PTH1R: variants seen among roughly 807,000 people sequenced by gnomAD.
PTH1R encodes parathyroid hormone/parathyroid hormone-related peptide receptor.
In PTH1R, 32 loss-of-function variants were observed where a neutral mutation model predicts 70.7. That is an observed-to-expected ratio of 0.45 (90% CI 0.34 to 0.61). PTH1R has a LOEUF of 0.61. Ranked by LOEUF, PTH1R falls within the 20% of genes least tolerant of loss-of-function variation. The probability of loss-of-function intolerance (pLI) is 0.01; values close to 1 mark genes in which losing one functional copy is unlikely to be tolerated. For synonymous variants in PTH1R, 329 were observed against 324.8 expected (o/e 1.01, Z -0.14); for missense variants, 626 against 792.5 (o/e 0.79, Z 2.52).
intron 10 of PTH1R, 82 bp from the exon 11 acceptor site, chr3:46,900,943 T>TG: frequency 6.9e-7 from 1 of 1,456,792 alleles, no homozygotes; most frequent in East Asian, 2.5e-5. Context: ...TGGGGTAAGC[T>TG]GGGGGTCATC....
rs924774746 is a variant in PTH1R at position 46,883,655 on chromosome 3, A to C, written c.75+21A>C. 6.5e-7 allele frequency: 1 copy of C among 1,545,574 alleles called. No homozygotes were observed. The highest frequency in any genetic ancestry group is 8.7e-7 in the Non-Finnish European group (1 of 1,146,686). On this transcript the variant is annotated intron_variant, in intron 3 of 15. Transcript: ENST00000449590. This position sits in a 1 kb window ranked among gnomAD's most constrained non-coding sequence, Gnocchi z 6.4. Reference sequence around the variant, plus strand: ...CGCTGGTGAGTCCCCCGCCGCCAACACTCCGGGACAGGCTGCGGGCTTACC... The same window carrying C: ...CGCTGGTGAGTCCCCCGCCGCCAACCCTCCGGGACAGGCTGCGGGCTTACC...
chr3:46,894,177 G>A (rs2031600687), intron 4 of PTH1R, among the ~76,000 whole-genome samples, 168 bp downstream of exon 4: 2 of 152,280 alleles, frequency 1.3e-5, no homozygotes, highest in South Asian at 2.1e-4. Context: ...GTGCAAGAGT[G>A]GAGTCAGCAG....
chr3:46,900,948 G>T (rs1039297283), intron 10 of PTH1R, 77 bp from the exon 11 acceptor site: 1 of 1,479,818 alleles, frequency 6.8e-7, no homozygotes, highest in Non-Finnish European at 9.2e-7. Context: ...TAAGCTGGGG[G>T]TCATCGAGGA....
Position 46,898,088 on chromosome 3 carries a change from C to G in PTH1R, c.439C>G (p.Arg147Gly). 1.2e-6 allele frequency: 2 copies of G among 1,614,228 alleles called. No homozygotes were observed. Among genetic ancestry groups the G allele is most frequent in the Non-Finnish European group, 1.7e-6 (2 of 1,180,044 alleles). ...TGGACCTGCAGGCCATGCCTACCGACGCTGTGACCGCAATGGCAGCTGGGA... is the reference window on the plus strand; with the variant it reads ...TGGACCTGCAGGCCATGCCTACCGAGGCTGTGACCGCAATGGCAGCTGGGA... ...DFNHKGHAYR[R>G]CDRNGSWELV... The change falls in exon 7 of 16, where the codon CGC becomes GGC. Residue 147 changes from arginine (R) to glycine (G), a missense_variant. Physicochemically the swap from Arg to Gly is moderately radical, Grantham distance 125 (BLOSUM62 -2). Transcript: ENST00000449590.
chr3:46,903,011 C>T lies in PTH1R; in HGVS notation c.1395+221C>T. The T allele has an allele frequency of 1.0e-6, 1 of 957,582 alleles. No homozygotes were observed. Among genetic ancestry groups the T allele is most frequent in the Non-Finnish European group, 1.6e-6 (1 of 618,828 alleles). The allele number at this position is 957,582 out of a possible 1,614,324, so 59.3% of individuals were successfully genotyped here. A position where few individuals can be genotyped will look rare whatever the true frequency, so the allele number is the denominator to read the frequency against. ...TCACTGGCATAGCCAAGTGTCTTCC[C>T]AGCCCCATGGTTCAATTATCTGTGA... is the stretch of plus-strand genomic sequence containing the variant. On this transcript the variant is annotated intron_variant, in intron 15 of 15. Transcript: ENST00000449590. The surrounding 1 kb of genome is among the most constrained non-coding windows in gnomAD (Gnocchi z 4.4).
intron 1 of PTH1R, among the ~76,000 whole-genome samples, chr3:46,878,454 G>A (rs2030363942): frequency 6.6e-6 from 1 of 152,212 alleles, no homozygotes; most frequent in African/African-American, 2.4e-5. Context: ...AACTCAGCCT[G>A]AGGCTGGGGC....
intron 3 of PTH1R, among the ~76,000 whole-genome samples, chr3:46,888,861 C>T (rs976398025): frequency 3.9e-5 from 6 of 152,372 alleles, no homozygotes; most frequent in African/African-American, 7.2e-5. Context: ...AAGGCGGCCA[C>T]GCTGGCTGGC....
In PTH1R at chr3:46,883,499, C is replaced by T; in HGVS notation, c.-48-13C>T. 7.0e-7 allele frequency: 1 copy of T among 1,429,906 alleles called. No individual in the cohort carries two copies. The highest frequency in any genetic ancestry group is 9.2e-7 in the Non-Finnish European group (1 of 1,089,730). 88.6% of individuals were successfully genotyped at this position (1,429,906 alleles called of 1,614,324 possible). A position where few individuals can be genotyped will look rare whatever the true frequency, so the allele number is the denominator to read the frequency against. On this transcript the variant is annotated splice_polypyrimidine_tract_variant and intron_variant, in intron 2 of 15. Transcript: ENST00000449590. This position sits in a 1 kb window ranked among gnomAD's most constrained non-coding sequence, Gnocchi z 6.4. Reference sequence around the variant, plus strand: ...CCAGCCTGACGCAGCTCTGCACCCCCTACCACCACCAGGGCCGGCGGCGGC... The same window carrying T: ...CCAGCCTGACGCAGCTCTGCACCCCTTACCACCACCAGGGCCGGCGGCGGC...
chr3:46,900,438 C>G (rs781276785), intron 10 of PTH1R, among the ~76,000 whole-genome samples: 1 of 152,096 alleles, frequency 6.6e-6, no homozygotes, highest in East Asian at 1.9e-4. Flanking sequence ...GGTATGTGGT[C>G]GGGGAGGACC....
intron 3 of PTH1R, among the ~76,000 whole-genome samples, chr3:46,887,762 A>G (rs539847474): frequency 6.6e-6 from 1 of 152,324 alleles, no homozygotes; most frequent in East Asian, 1.9e-4. Flanking sequence ...TCTTCATTTC[A>G]GTAAATATGA....
chr3:46,891,483 C>CT lies in PTH1R; in HGVS notation c.76-2423dup, dbSNP rs1277877201. The stretch of plus-strand genomic sequence containing the variant: ...GGAGGCCCAGGGAGTCAGCAAGTCT[C>CT]TAAGGATGTGTGGGAGCCTCCGTCA... On this transcript the variant is annotated intron_variant, in intron 3 of 15. Coordinates refer to ENST00000449590, the MANE Select transcript of PTH1R (RefSeq NM_000316.3). This position sits in a 1 kb window ranked among gnomAD's most constrained non-coding sequence, Gnocchi z 4.3. 1.3e-5 allele frequency among the ~76,000 whole-genome samples: 2 copies of CT among 152,202 alleles called. No homozygotes were observed. The highest frequency in any genetic ancestry group is 4.8e-5 in the African/African-American group (2 of 41,444).
intron 10 of PTH1R, among the ~76,000 whole-genome samples, chr3:46,899,967 C>T (rs1423473646): frequency 3.3e-5 from 5 of 152,372 alleles, no homozygotes; most frequent in East Asian, 3.9e-4. Flanking sequence ...CTTCACAGCA[C>T]CTCTGCAGAA....
rs1356749325 is a variant in PTH1R at position 46,883,924 on chromosome 3, C to G, written c.75+290C>G. On this transcript the variant is annotated intron_variant, in intron 3 of 15. Transcript: ENST00000449590. This position sits in a 1 kb window ranked among gnomAD's most constrained non-coding sequence, Gnocchi z 6.4. ...TCTGTGAGCACCATGGCTGTTTCTC[C>G]CTGGAAGATGACAGTGTGACCCAAC... 6.6e-6 allele frequency among the ~76,000 whole-genome samples: 1 copy of G among 152,200 alleles called. No individual in the cohort carries two copies. The highest frequency in any genetic ancestry group is 2.4e-5 in the African/African-American group (1 of 41,440).
intron 4 of PTH1R, among the ~76,000 whole-genome samples, chr3:46,895,075 C>A (rs1378819): frequency 0.45 from 54,040 of 119,468 alleles, 13,202 homozygotes; most frequent in Non-Finnish European, 0.57. Context: ...AAAAAAAAAA[C>A]AAAAAAAACA....
In PTH1R at chr3:46,892,260, G is replaced by C. The variant is rs2031458229; in HGVS notation, c.76-1647G>C. Among the ~76,000 whole-genome samples, 1 of 152,156 alleles carries C rather than the reference G, an allele frequency of 6.6e-6. No homozygotes were observed. Among genetic ancestry groups the C allele is most frequent in the Non-Finnish European group, 1.5e-5 (1 of 68,020 alleles). ...GCCCCCAGAGACACCAGAAGCACGG[G>C]CCACCCACAGACGCAAAGGCTAAGG... On this transcript the variant is annotated intron_variant, in intron 3 of 15. Coordinates refer to ENST00000449590, the MANE Select transcript of PTH1R (RefSeq NM_000316.3). This position sits in a 1 kb window ranked among gnomAD's most constrained non-coding sequence, Gnocchi z 5.2.
At position 46,883,495 on chromosome 3, in the gene PTH1R, C is replaced by T. The variant is rs1362000637; in HGVS notation, c.-48-17C>T. The T allele has an allele frequency of 2.9e-6, 4 of 1,398,186 alleles. No individual in the cohort carries two copies. The highest frequency in any genetic ancestry group is 2.8e-5 in the East Asian group (1 of 35,726). The allele number at this position is 1,398,186 out of a possible 1,614,324, so 86.6% of individuals were successfully genotyped here. ...GCGGCCAGCCTGACGCAGCTCTGCA[C>T]CCCCTACCACCACCAGGGCCGGCGG... On this transcript the variant is annotated splice_polypyrimidine_tract_variant and intron_variant, in intron 2 of 15. Transcript: ENST00000449590. This position sits in a 1 kb window ranked among gnomAD's most constrained non-coding sequence, Gnocchi z 6.4.
intron 1 of PTH1R, among the ~76,000 whole-genome samples, chr3:46,878,600 C>G (rs570062610): frequency 4.9e-4 from 74 of 152,316 alleles, no homozygotes; most frequent in Non-Finnish European, 9.6e-4. Context: ...TCCCAGAGAA[C>G]CCCTGGTCTG....
At position 46,891,503 on chromosome 3, in the gene PTH1R, C is replaced by T. The variant is rs1282522548; in HGVS notation, c.76-2404C>T. Among the ~76,000 whole-genome samples, 1 of 152,172 alleles carries T rather than the reference C, an allele frequency of 6.6e-6. No individual in the cohort carries two copies. Among genetic ancestry groups the T allele is most frequent in the Admixed American group, 6.5e-5 (1 of 15,284 alleles). On this transcript the variant is annotated intron_variant, in intron 3 of 15. Coordinates refer to ENST00000449590, the MANE Select transcript of PTH1R (RefSeq NM_000316.3). The surrounding 1 kb of genome is among the most constrained non-coding windows in gnomAD (Gnocchi z 4.3). ...AGTCTCTAAGGATGTGTGGGAGCCT[C>T]CGTCAGTCACTCCAGAGCTCTCCAT...
In PTH1R at chr3:46,878,239, G is replaced by C. The variant is rs77161815; in HGVS notation, c.-106+396G>C. ...CTCCAGCGACTCAGCTGGGTGTCAG[G>C]GGGTGTTTATGAGCAGCCGAAATGG... On this transcript the variant is annotated intron_variant, in intron 1 of 15. Transcript: ENST00000449590. Among the ~76,000 whole-genome samples, 889 of 152,348 alleles carry C rather than the reference G, an allele frequency of 5.8e-3. 7 individuals are homozygous for C. Among genetic ancestry groups the C allele is most frequent in the African/African-American group, 0.02 (840 of 41,588 alleles).
Sources: allele counts gnomAD v4.1 joint callset (sites outside exome capture counted in the v4.1 genomes callset), GRCh38; gene constraint gnomAD v4.1.1; non-coding constraint Gnocchi (gnomAD v3.1); transcripts MANE v1.5; gene names NCBI Gene and HGNC (gene_info 2026-07-23, HGNC 2026-07-21).